IMMP2L: variants seen among roughly 807,000 people sequenced by gnomAD.
IMMP2L encodes the protein inner mitochondrial membrane peptidase subunit 2, also known as mitochondrial inner membrane protease subunit 2.
A neutral mutation model predicts 19.3 loss-of-function variants in IMMP2L; 18 were observed. That is an observed-to-expected ratio of 0.93 (90% CI 0.64 to 1.38). IMMP2L has a LOEUF of 1.38. Among genes scored for constraint, IMMP2L ranks in the 40% most tolerant of loss-of-function variants. The pLI, the probability that IMMP2L is intolerant of heterozygous loss-of-function variation, is 0.00. For synonymous variants in IMMP2L, 76 were observed against 73.0 expected (o/e 1.04, Z -0.21); for missense variants, 233 against 218.2 (o/e 1.07, Z -0.43).
intron 3 of IMMP2L, among the ~76,000 whole-genome samples, chr7:111,330,561 G>A (rs557311639): frequency 6.6e-6 from 1 of 151,470 alleles, no homozygotes; most frequent in South Asian, 2.1e-4. Context: ...AGTAAAAGTA[G>A]TAGACATTCA....
chr7:111,289,429 A>AG (rs1272431218), intron 3 of IMMP2L, among the ~76,000 whole-genome samples: 1 of 152,038 alleles, frequency 6.6e-6, no homozygotes, highest in African/African-American at 2.4e-5. Context: ...TAAAAAAAAA[A>AG]AAAGCCTGGA....
At chr7:111,357,114 C>T (rs950992603) in intron 3 of IMMP2L, among the ~76,000 whole-genome samples, 1 of 152,150 alleles carries the variant, frequency 6.6e-6, no homozygotes, top group Non-Finnish European at 1.5e-5. Context: ...TAGGATTAAT[C>T]ACTAACCACT....
chr7:111,518,488 G>A (rs1263546362), intron 2 of IMMP2L, among the ~76,000 whole-genome samples: 1 of 150,278 alleles, frequency 6.7e-6, no homozygotes, highest in East Asian at 2.0e-4. Flanking sequence ...TTCCTTGCAG[G>A]ATGCTCAGTG....
chr7:111,358,615 G>T (rs989338231), intron 3 of IMMP2L, among the ~76,000 whole-genome samples: 5 of 152,000 alleles, frequency 3.3e-5, no homozygotes, highest in Non-Finnish European at 5.9e-5. Context: ...GCACTGAAAG[G>T]CTCCCTTAAC....
intron 5 of IMMP2L, among the ~76,000 whole-genome samples, chr7:110,665,472 T>G (rs1279664532): frequency 6.6e-6 from 1 of 152,240 alleles, no homozygotes; most frequent in Non-Finnish European, 1.5e-5. Flanking sequence ...ATAGTTCATA[T>G]TCAAAATTTT....
At chr7:111,036,210 C>T (rs1278733649) in intron 3 of IMMP2L, among the ~76,000 whole-genome samples, 1 of 152,048 alleles carries the variant, frequency 6.6e-6, no homozygotes, top group Admixed American at 6.6e-5. Flanking sequence ...ATACCGTTTC[C>T]TTTAAGTGCA....
At chr7:111,082,324 C>T (rs1335793051) in intron 3 of IMMP2L, among the ~76,000 whole-genome samples, 10 of 152,136 alleles carry the variant, frequency 6.6e-5, no homozygotes, top group African/African-American at 4.8e-5. Context: ...ATTTTGATTA[C>T]GTGGGCAAGC....
chr7:110,727,116 A>G lies in IMMP2L; in HGVS notation c.409-63395T>C, dbSNP rs1001340757. The stretch of plus-strand genomic sequence containing the variant: ...AATCCTCCAAGTCCAGGCTGGGTGC[A>G]ATGGCTCACGCCTATAATTCCAGAA... On this transcript the variant is annotated intron_variant, in intron 5 of 5. Coordinates refer to ENST00000405709, the MANE Select transcript of IMMP2L (RefSeq NM_032549.4). The surrounding 1 kb of genome is among the most constrained non-coding windows in gnomAD (Gnocchi z 4.3). 6.6e-6 allele frequency among the ~76,000 whole-genome samples: 1 copy of G among 152,230 alleles called. No individual in the cohort carries two copies. The highest frequency in any genetic ancestry group is 2.4e-5 in the African/African-American group (1 of 41,462).
At position 110,870,879 on chromosome 7, in the gene IMMP2L, A is replaced by G. The variant is rs902739533; in HGVS notation, c.408+15714T>C. ...GCCACTGAAGTGTTTCATGTAGGCT[A>G]GAGATCGGGTTTGAGGATAACTGTA... On this transcript the variant is annotated intron_variant, in intron 5 of 5. Transcript: ENST00000405709. This position sits in a 1 kb window ranked among gnomAD's most constrained non-coding sequence, Gnocchi z 4.2. Among the ~76,000 whole-genome samples the G allele has an allele frequency of 1.6e-4, 24 of 152,292 alleles. No homozygotes were observed. Among genetic ancestry groups the G allele is most frequent in the African/African-American group, 4.3e-4 (18 of 41,582 alleles).
chr7:110,676,434 C>A (rs933807252), intron 5 of IMMP2L, among the ~76,000 whole-genome samples: 16 of 152,360 alleles, frequency 1.1e-4, no homozygotes, highest in African/African-American at 3.8e-4. Flanking sequence ...GATCTATACT[C>A]TAGACCCTAT....
chr7:111,368,936 T>C (rs1024310669), intron 3 of IMMP2L, among the ~76,000 whole-genome samples: 6 of 151,926 alleles, frequency 3.9e-5, no homozygotes, highest in Non-Finnish European at 5.9e-5. Flanking sequence ...TTTTTAAATA[T>C]GTAAAGGAAA....
chr7:111,442,922 C>T (rs946928746), intron 3 of IMMP2L, among the ~76,000 whole-genome samples: 6 of 151,750 alleles, frequency 4.0e-5, no homozygotes, highest in Admixed American at 1.3e-4. Flanking sequence ...TTAAACAGAA[C>T]AGAAAAAAAG....
At chr7:110,930,654 A>G (rs532134837) in intron 4 of IMMP2L, among the ~76,000 whole-genome samples, 1 of 152,316 alleles carries the variant, frequency 6.6e-6, no homozygotes, top group African/African-American at 2.4e-5. Context: ...TTATCACATT[A>G]ATAATTTGCA....
intron 1 of IMMP2L, among the ~76,000 whole-genome samples, chr7:111,537,544 T>G (rs987680961): frequency 7.0e-5 from 10 of 143,312 alleles, no homozygotes; most frequent in African/African-American, 2.4e-4. Context: ...TTTTTTTTTT[T>G]TTTTTTTTTG....
chr7:111,347,159 G>A (rs145748630), intron 3 of IMMP2L, among the ~76,000 whole-genome samples: 257 of 152,190 alleles, frequency 1.7e-3, no homozygotes, highest in African/African-American at 5.1e-3. Flanking sequence ...TGAGGAAGAA[G>A]AATTTTGTTC....
intron 3 of IMMP2L, among the ~76,000 whole-genome samples, chr7:111,104,812 A>T (rs1563246897): frequency 6.6e-6 from 1 of 151,816 alleles, no homozygotes; most frequent in Non-Finnish European, 1.5e-5. Context: ...CTCGCATCTC[A>T]TTGGAAGCAG....
intron 3 of IMMP2L, among the ~76,000 whole-genome samples, chr7:110,970,505 C>T (rs182839859): frequency 3.9e-4 from 59 of 152,096 alleles, no homozygotes; most frequent in Middle Eastern, 3.4e-3. Flanking sequence ...TATAAAGAAA[C>T]TTCTGGTTGT....
At chr7:111,443,228 T>C (rs1308504103) in intron 3 of IMMP2L, among the ~76,000 whole-genome samples, 1 of 151,922 alleles carries the variant, frequency 6.6e-6, no homozygotes, top group African/African-American at 2.4e-5. Context: ...GGCTACATGA[T>C]ATATCAGAGA....
In IMMP2L at chr7:110,663,607, C is replaced by T. The variant is rs759162955; in HGVS notation, c.523G>A (p.Glu175Lys). 2 of 1,613,532 alleles carry T rather than the reference C, an allele frequency of 1.2e-6. No individual in the cohort carries two copies. The highest frequency in any genetic ancestry group is 1.1e-5 in the South Asian group (1 of 91,046). Residue 175 changes from glutamate to lysine, a missense_variant, in exon 6 of 6, where the codon GAA (glutamate) becomes AAA (lysine). Transcript: ENST00000405709. ...ACTCAGGTAGATTCATGCAGTCATTCCTCTTCTCTCTGTACTGGTAAGCGC... is the reference window on the plus strand; with the variant it reads ...ACTCAGGTAGATTCATGCAGTCATTTCTCTTCTCTCTGTACTGGTAAGCGC... Reference protein sequence around the residue: ...PERLPVQREEE With the variant: ...PERLPVQREEK
Sources: allele counts gnomAD v4.1 joint callset (sites outside exome capture counted in the v4.1 genomes callset), GRCh38; gene constraint gnomAD v4.1.1; non-coding constraint Gnocchi (gnomAD v3.1); transcripts MANE v1.5; gene names NCBI Gene and HGNC (gene_info 2026-07-23, HGNC 2026-07-21).